Variants in KCNMA1 observed in about 807,000 individuals in gnomAD.
The protein encoded by KCNMA1 is potassium calcium-activated channel subfamily M alpha 1, also known as Calcium-activated potassium channel subunit alpha-1.
Under a neutral mutation model 140.0 loss-of-function variants are expected in KCNMA1, and 29 were observed. That is an observed-to-expected ratio of 0.21 (90% CI 0.15 to 0.28). The LOEUF (loss-of-function observed/expected upper bound fraction) is 0.28. Among genes scored for constraint, KCNMA1 ranks in the 10% least tolerant of loss-of-function variants. The pLI, the probability that KCNMA1 is intolerant of heterozygous loss-of-function variation, is 1.00. For missense variants in KCNMA1, 880 were observed against 1,602.2 expected, an observed-to-expected ratio of 0.55 and a Z score of 7.70; for synonymous variants, 612 against 611.9, an observed-to-expected ratio of 1.00 and a Z score of 0.00.
intron 23 of KCNMA1, among the ~76,000 whole-genome samples, chr10:76,935,581 T>A (rs910006388): frequency 6.6e-6 from 1 of 152,226 alleles, no homozygotes; most frequent in African/African-American, 2.4e-5. Flanking sequence ...AAATAAGATA[T>A]TACATAGGAA....
In KCNMA1 at chr10:77,005,439, G is replaced by T. The variant is rs537643366; in HGVS notation, c.2093-3859C>A. The stretch of plus-strand genomic sequence containing the variant: ...CCTGAGACTGGGAGCAGACAAGAGT[G>T]TGTCTCTGGCAAGTGTGAACACCAA... On this transcript the variant is annotated intron_variant, in intron 18 of 27. Coordinates refer to ENST00000286628, the MANE Select transcript of KCNMA1 (RefSeq NM_001161352.2). Among the ~76,000 whole-genome samples the T allele has an allele frequency of 6.6e-5, 10 of 152,326 alleles. No individual in the cohort carries two copies. In the East Asian group the frequency reaches 1.9e-3, roughly 29 times the overall value.
At chr10:77,010,177 C>T (rs1012687723) in intron 18 of KCNMA1, among the ~76,000 whole-genome samples, 10 of 152,132 alleles carry the variant, frequency 6.6e-5, no homozygotes, top group Admixed American at 1.3e-4. Context: ...TCACTACAAG[C>T]GTTTCTTTAC....
At chr10:77,210,431 A>G (rs560461299) in intron 3 of KCNMA1, among the ~76,000 whole-genome samples, 1 of 152,292 alleles carries the variant, frequency 6.6e-6, no homozygotes, top group East Asian at 1.9e-4. Context: ...AATAAAAACC[A>G]TCTATGACAA....
intron 1 of KCNMA1, among the ~76,000 whole-genome samples, chr10:77,452,096 T>C (rs2097673143): frequency 6.6e-6 from 1 of 152,334 alleles, no homozygotes; most frequent in South Asian, 2.1e-4. Flanking sequence ...TTTAACAAAA[T>C]TCAACAAGAC....
chr10:77,191,017 AAAAT>A (rs1382253421), intron 3 of KCNMA1, among the ~76,000 whole-genome samples: 1 of 152,194 alleles, frequency 6.6e-6, no homozygotes, highest in Admixed American at 6.5e-5. Flanking sequence ...TGATCCAATC[AAAAT>A]AAATAAAAAA....
chr10:77,513,578 A>G (rs2049205588), intron 1 of KCNMA1, among the ~76,000 whole-genome samples: 1 of 152,230 alleles, frequency 6.6e-6, no homozygotes, highest in Non-Finnish European at 1.5e-5. Flanking sequence ...TATCAAAAAG[A>G]GCCAGCCAAA....
intron 19 of KCNMA1, among the ~76,000 whole-genome samples, chr10:76,999,052 C>T (rs1179923442): frequency 2.6e-5 from 4 of 152,322 alleles, no homozygotes; most frequent in South Asian, 2.1e-4. Flanking sequence ...CAAAGCTCCA[C>T]GTGTTCCCTG....
chr10:77,490,047 G>A (rs2098513001), intron 1 of KCNMA1, among the ~76,000 whole-genome samples: 1 of 152,150 alleles, frequency 6.6e-6, no homozygotes, highest in African/African-American at 2.4e-5. Flanking sequence ...ATTATAAGAT[G>A]AGCAGTGTCC....
At chr10:77,004,802 C>T (rs140708753) in intron 18 of KCNMA1, among the ~76,000 whole-genome samples, 14 of 152,270 alleles carry the variant, frequency 9.2e-5, no homozygotes, top group Admixed American at 2.6e-4. Context: ...ATATTCAGAA[C>T]CACTGGTGTT....
intron 19 of KCNMA1, among the ~76,000 whole-genome samples, chr10:76,981,391 G>C (rs1179742949): frequency 1.3e-5 from 2 of 152,188 alleles, no homozygotes; most frequent in South Asian, 2.1e-4. Context: ...ATTGGAGAAG[G>C]CTGGAACCAT....
intron 3 of KCNMA1, among the ~76,000 whole-genome samples, chr10:77,243,857 G>A (rs1056228436): frequency 6.6e-6 from 1 of 152,042 alleles, no homozygotes; most frequent in Non-Finnish European, 1.5e-5. Flanking sequence ...CAGTGGGGAG[G>A]GAGAGAGAGA....
intron 6 of KCNMA1, among the ~76,000 whole-genome samples, chr10:77,113,232 G>C (rs1399671869): frequency 6.6e-6 from 1 of 152,264 alleles, no homozygotes; most frequent in Admixed American, 6.5e-5. Flanking sequence ...TGTGGCTTCA[G>C]AGCAGCTTTT....
chr10:77,368,619 T>G (rs927786060), intron 2 of KCNMA1, among the ~76,000 whole-genome samples: 1 of 152,246 alleles, frequency 6.6e-6, no homozygotes, highest in African/African-American at 2.4e-5. Flanking sequence ...TAAGTTCAGA[T>G]CAGAAAGATT....
intron 5 of KCNMA1, among the ~76,000 whole-genome samples, chr10:77,125,549 C>G (rs2097713710): frequency 6.6e-6 from 1 of 152,190 alleles, no homozygotes. Flanking sequence ...CCCTGGCTAC[C>G]CGACCTAAAC....
In KCNMA1 at chr10:76,969,300, GGGAA is replaced by G. The variant is rs150214377; in HGVS notation, c.2360+670_2360+673del. On this transcript the variant is annotated intron_variant, in intron 20 of 27. Coordinates refer to ENST00000286628, the MANE Select transcript of KCNMA1 (RefSeq NM_001161352.2). The stretch of plus-strand genomic sequence containing the variant: ...GGGGAAGAAGGGAAGGAAGGAAGGA[GGGAA>G]GGAAGGAAGGAAGGAAGGAAGGAAG... Among the ~76,000 whole-genome samples the G allele has an allele frequency of 9.4e-4, 103 of 109,356 alleles. 2 individuals carry two copies. The highest frequency in any genetic ancestry group is 7.8e-4 in the Non-Finnish European group (42 of 53,524). The allele number at this position is 109,356 out of a possible 152,430, so 71.7% of individuals were successfully genotyped here.
intron 2 of KCNMA1, among the ~76,000 whole-genome samples, chr10:77,358,801 C>A (rs1480503132): frequency 1.3e-5 from 2 of 152,216 alleles, no homozygotes; most frequent in African/African-American, 4.8e-5. Flanking sequence ...TTCTGTATTA[C>A]ATAAAACATG....
chr10:77,509,533 T>C (rs950603688), intron 1 of KCNMA1, among the ~76,000 whole-genome samples: 15 of 152,354 alleles, frequency 9.8e-5, no homozygotes, highest in East Asian at 1.9e-4. Flanking sequence ...TGCTGGATCA[T>C]GGTAATTCTA....
intron 1 of KCNMA1, among the ~76,000 whole-genome samples, chr10:77,506,637 C>T (rs796807096): frequency 2.8e-4 from 10 of 35,862 alleles, no homozygotes; most frequent in African/African-American, 1.6e-3. Flanking sequence ...GGGAGAGAGA[C>T]AGAGAGGGAG....
At chr10:77,609,271 A>C (rs1345490703) in intron 1 of KCNMA1, among the ~76,000 whole-genome samples, 4 of 152,230 alleles carry the variant, frequency 2.6e-5, no homozygotes, top group African/African-American at 9.6e-5. Flanking sequence ...CCTTTAAAAA[A>C]GAAGGATATC....
Sources: allele counts gnomAD v4.1 joint callset (sites outside exome capture counted in the v4.1 genomes callset), GRCh38; gene constraint gnomAD v4.1.1; transcripts MANE v1.5; gene names NCBI Gene and HGNC (gene_info 2026-07-23, HGNC 2026-07-21).